LRP1: variants seen among roughly 807,000 people sequenced by gnomAD.
LRP1 encodes the protein LDL receptor related protein 1.
In LRP1, 51 loss-of-function variants were observed where a neutral mutation model predicts 541.5. The ratio of observed to expected loss-of-function variants is 0.09; its 90% CI spans 0.08 to 0.12. LRP1 has a LOEUF of 0.12. Ranked by LOEUF, LRP1 falls within the 10% of genes least tolerant of loss-of-function variation. LRP1 has a pLI of 1.00. For missense variants in LRP1, 3,878 were observed against 6,376.2 expected, an observed-to-expected ratio of 0.61 and a Z score of 13.34; for synonymous variants, 2,219 against 2,470.8, an observed-to-expected ratio of 0.90 and a Z score of 3.02.
In LRP1 at chr12:57,179,689, C is replaced by A. The variant is rs566106423; in HGVS notation, c.4967-93C>A. ...CCCCCTCAGTGCTCCAGCCTGGTTT[C>A]CTGATCCCTTTTCTCCAGAAGGCAC... On this transcript the variant is annotated intron_variant, in intron 29 of 88. Transcript: ENST00000243077. This position sits in a 1 kb window ranked among gnomAD's most constrained non-coding sequence, Gnocchi z 6.8. 41 of 1,434,788 alleles carry A rather than the reference C, an allele frequency of 2.9e-5. 1 individual carries two copies. In the South Asian group the frequency reaches 4.9e-4, roughly 17 times the overall value. 88.9% of individuals were successfully genotyped at this position (1,434,788 alleles called of 1,614,324 possible).
Position 57,206,362 on chromosome 12 carries a change from G to A in LRP1, c.11591-111G>A. 6 of 1,162,208 alleles carry A rather than the reference G, an allele frequency of 5.2e-6. No individual in the cohort carries two copies. The highest frequency in any genetic ancestry group is 7.4e-6 in the Non-Finnish European group (6 of 807,520). The allele number at this position is 1,162,208 out of a possible 1,614,324, so 72.0% of individuals were successfully genotyped here. A position where few individuals can be genotyped will look rare whatever the true frequency, so the allele number is the denominator to read the frequency against. ...GAGGGTAAGCAGCAGCTTCTGGCCG[G>A]AGCAGATGGTCCTACCAGGAGATGG... On this transcript the variant is annotated intron_variant, in intron 75 of 88. Transcript: ENST00000243077. The surrounding 1 kb of genome is among the most constrained non-coding windows in gnomAD (Gnocchi z 4.7).
intron 77 of LRP1, 104 bp from the exon 78 acceptor site, chr12:57,208,601 CTCCCAG>C (rs761410160): frequency 1.1e-4 from 77 of 669,602 alleles, no homozygotes; most frequent in Non-Finnish European, 1.9e-4. Flanking sequence ...GAATGCCCTC[CTCCCAG>C]TCCCCAGCAG....
chr12:57,188,519 TCCC>T (rs773729484), intron 42 of LRP1, among the ~76,000 whole-genome samples: 1 of 151,956 alleles, frequency 6.6e-6, no homozygotes, highest in Non-Finnish European at 1.5e-5. Flanking sequence ...GAAGGTCCAG[TCCC>T]CCCTTCCATG....
chr12:57,154,169 C>A lies in LRP1; in HGVS notation c.842-39C>A. The A allele has an allele frequency of 6.3e-7, 1 of 1,587,090 alleles. No homozygotes were observed. Among genetic ancestry groups the A allele is most frequent in the South Asian group, 1.1e-5 (1 of 88,036 alleles). ...AAGGGTGGGCATCTCTGCAAGAGGG[C>A]CTACCCCACCCCATGGCTCTTTCAT... On this transcript the variant is annotated intron_variant, in intron 6 of 88. Transcript: ENST00000243077. The surrounding 1 kb of genome is among the most constrained non-coding windows in gnomAD (Gnocchi z 4.6).
chr12:57,210,159 C>T lies in LRP1; in HGVS notation c.12570C>T (p.Pro4190=), dbSNP rs747456880. ...GCGTGCCTGTGCCCTCTCCAACGCC[C>T]CCCCCAGATGGTATGCTTATGCCCT... is the stretch of plus-strand genomic sequence containing the variant. ...GTCVPVPSPT[P]PPDAPRPGTC... Residue 4190 remains proline, a synonymous_variant, in exon 81 of 89, where the codon CCC becomes CCT. Coordinates refer to ENST00000243077, the MANE Select transcript of LRP1 (RefSeq NM_002332.3). 10 of 1,599,964 alleles carry T rather than the reference C, an allele frequency of 6.3e-6. No individual in the cohort carries two copies. The highest frequency in any genetic ancestry group is 5.1e-5 in the Admixed American group (3 of 58,748).
At position 57,178,755 on chromosome 12, in the gene LRP1, T is replaced by C. The variant is rs956397092; in HGVS notation, c.4607-135T>C. ...GCCGGCTGTTGACAGAGGCACTGTC[T>C]AGCAGCAGAGAAGGGTCTAGTAGTA... On this transcript the variant is annotated intron_variant, in intron 27 of 88. Coordinates refer to ENST00000243077, the MANE Select transcript of LRP1 (RefSeq NM_002332.3). This position sits in a 1 kb window ranked among gnomAD's most constrained non-coding sequence, Gnocchi z 5.8. The C allele has an allele frequency of 4.7e-5, 70 of 1,500,936 alleles. No individual in the cohort carries two copies. In the African/African-American group the frequency reaches 8.7e-4, roughly 19 times the overall value. 93.0% of individuals were successfully genotyped at this position (1,500,936 alleles called of 1,614,324 possible). A position where few individuals can be genotyped will look rare whatever the true frequency, so the allele number is the denominator to read the frequency against.
In LRP1 at chr12:57,174,360, G is replaced by T. The variant is rs2136697093; in HGVS notation, c.3547+380G>T. Among the ~76,000 whole-genome samples the T allele has an allele frequency of 2.0e-5, 3 of 152,326 alleles. No homozygotes were observed. The Middle Eastern group carries it at 0.01, about 518-fold the overall frequency. Reference sequence around the variant, plus strand: ...GCCCACATGCATACCACAGAGAGATGCGGAGTGCTCTTGTGGAGACAAAGG... The same window carrying T: ...GCCCACATGCATACCACAGAGAGATTCGGAGTGCTCTTGTGGAGACAAAGG... On this transcript the variant is annotated intron_variant, in intron 22 of 88. Transcript: ENST00000243077.
intron 6 of LRP1, among the ~76,000 whole-genome samples, chr12:57,152,120 A>G (rs868500281): frequency 2.0e-5 from 3 of 152,096 alleles, no homozygotes; most frequent in African/African-American, 7.2e-5. Context: ...TCCAGGCCAC[A>G]TCCTGAGGCT....
Position 57,211,829 on chromosome 12 carries a change from T to C in LRP1, c.13258+15T>C. ...GCAGCCAGGACGTAGGTGGCAGGGGTTGGGGCAGGCAGGGCCACCGGGACC... is the reference window on the plus strand; with the variant it reads ...GCAGCCAGGACGTAGGTGGCAGGGGCTGGGGCAGGCAGGGCCACCGGGACC... On this transcript the variant is annotated intron_variant, in intron 86 of 88. Transcript: ENST00000243077. This position sits in a 1 kb window ranked among gnomAD's most constrained non-coding sequence, Gnocchi z 4.3. The C allele has an allele frequency of 6.2e-7, 1 of 1,612,610 alleles. No homozygotes were observed. Among genetic ancestry groups the C allele is most frequent in the Non-Finnish European group, 8.5e-7 (1 of 1,179,952 alleles).
rs777350136 is a variant in LRP1 at position 57,149,006 on chromosome 12, G to A, written c.841+3516G>A. The A allele has an allele frequency of 4.4e-6, 3 of 674,738 alleles. No individual in the cohort carries two copies. The East Asian group carries it at 8.4e-5, about 19-fold the overall frequency. The allele number at this position is 674,738 out of a possible 1,614,324, so 41.8% of individuals were successfully genotyped here. ...TGTGTGTGTTTTCGAAATCACAACA[G>A]GAAATGGGGTAGTGATTTGTCTAGA... On this transcript the variant is annotated intron_variant, in intron 6 of 88. Transcript: ENST00000243077.
Position 57,183,351 on chromosome 12 carries a change from C to A in LRP1, c.5663-28C>A. 1.3e-6 allele frequency: 2 copies of A among 1,589,168 alleles called. No homozygotes were observed. The highest frequency in any genetic ancestry group is 1.7e-6 in the Non-Finnish European group (2 of 1,160,740). ...AAGTTTAAGGGAGTGTTGGCGATAC[C>A]CATGCCTTAAGTTTCCTTGTCTTTC... is the stretch of plus-strand genomic sequence containing the variant. On this transcript the variant is annotated intron_variant, in intron 34 of 88. Transcript: ENST00000243077. The surrounding 1 kb of genome is among the most constrained non-coding windows in gnomAD (Gnocchi z 6.1).
Position 57,195,689 on chromosome 12 carries a change from C to A in LRP1, c.8469C>A (p.Phe2823Leu). 1.2e-6 allele frequency: 2 copies of A among 1,614,136 alleles called. No homozygotes were observed. The highest frequency in any genetic ancestry group is 1.7e-6 in the Non-Finnish European group (2 of 1,180,020). The change falls in exon 53 of 89, where the codon TTC (phenylalanine) becomes TTA (leucine). Residue 2823 changes from phenylalanine (F) to leucine (L), a missense_variant. Transcript: ENST00000243077. ...ACAGCACTTGTGACGACCGTGAGTT[C>A]ATGTGCCAGAACCGCCAGTGCATCC... ...LYNSTCDDRE[F>L]MCQNRQCIPK... is the part of the protein sequence containing the mutation.
At chr12:57,200,571 G>A (rs1007651546) in intron 63 of LRP1, 36 bp downstream of exon 63, 1 of 1,587,912 alleles carries the variant, frequency 6.3e-7, no homozygotes, top group African/African-American at 1.3e-5. Flanking sequence ...AGGGCCCCCA[G>A]CTGTGTCGGA....
chr12:57,198,460 G>T lies in LRP1; in HGVS notation c.9471-5G>T. 3 of 1,612,900 alleles carry T rather than the reference G, an allele frequency of 1.9e-6. No individual in the cohort carries two copies. Among genetic ancestry groups the T allele is most frequent in the Non-Finnish European group, 1.7e-6 (2 of 1,179,262 alleles). On this transcript the variant is annotated splice_polypyrimidine_tract_variant and splice_region_variant and intron_variant, in intron 59 of 88. Coordinates refer to ENST00000243077, the MANE Select transcript of LRP1 (RefSeq NM_002332.3). ...TCCCAGGGCTCACTGCCTACCCATC[G>T]CCAGGTACCTGTACTGGACAGACTG...
At position 57,212,338 on chromosome 12, in the gene LRP1, G is replaced by A; in HGVS notation, c.13494+77G>A. ...ACCAAAGGTGTTGGGTTAGGTGAGG[G>A]ACGGAGGTGGGGGTGGGGTAACCTG... On this transcript the variant is annotated intron_variant, in intron 88 of 88. Transcript: ENST00000243077. This position sits in a 1 kb window ranked among gnomAD's most constrained non-coding sequence, Gnocchi z 5.0. 2 of 1,613,434 alleles carry A rather than the reference G, an allele frequency of 1.2e-6. No individual in the cohort carries two copies. Among genetic ancestry groups the A allele is most frequent in the Non-Finnish European group, 1.7e-6 (2 of 1,179,734 alleles).
At position 57,209,138 on chromosome 12, in the gene LRP1, A is replaced by G. The variant is rs765542038; in HGVS notation, c.12201A>G (p.Ser4067=). The G allele has an allele frequency of 6.2e-7, 1 of 1,614,010 alleles. No homozygotes were observed. The highest frequency in any genetic ancestry group is 8.5e-7 in the Non-Finnish European group (1 of 1,180,014). Residue 4067 remains serine, a synonymous_variant, in exon 79 of 89, where the codon TCA becomes TCG. Coordinates refer to ENST00000243077, the MANE Select transcript of LRP1 (RefSeq NM_002332.3). ...TGTACTGGGCAGACGCCAAGCTTTC[A>G]GTCATCGGCAGCATCCGGCTCAATG... is the stretch of plus-strand genomic sequence containing the variant. ...ERLYWADAKL[S]VIGSIRLNGT...
chr12:57,184,410 C>T lies in LRP1; in HGVS notation c.6144C>T (p.Asn2048=), dbSNP rs764424358. 10 of 1,614,082 alleles carry T rather than the reference C, an allele frequency of 6.2e-6. No homozygotes were observed. Among genetic ancestry groups the T allele is most frequent in the African/African-American group, 5.3e-5 (4 of 74,928 alleles). ...LDGTERVVLV[N]VSISWPNGIS... is the part of the protein sequence containing the mutation. ...GCACGGAGCGTGTGGTGCTGGTCAA[C>T]GTCAGCATCAGCTGGCCCAACGGCA... The change falls in exon 38 of 89, where the codon AAC becomes AAT. Residue 2048 remains asparagine (N), a synonymous_variant. Coordinates refer to ENST00000243077, the MANE Select transcript of LRP1 (RefSeq NM_002332.3). This position sits in a 1 kb window ranked among gnomAD's most constrained non-coding sequence, Gnocchi z 7.8.
chr12:57,191,748 AC>A (rs1401556254), intron 44 of LRP1, among the ~76,000 whole-genome samples: 1 of 32,680 alleles, frequency 3.1e-5, no homozygotes, highest in Non-Finnish European at 6.6e-5. Flanking sequence ...ATACACATAC[AC>A]CCCCAACACA....
At chr12:57,132,396 C>T (rs554926668) in intron 1 of LRP1, among the ~76,000 whole-genome samples, 9 of 152,170 alleles carry the variant, frequency 5.9e-5, no homozygotes, top group Admixed American at 1.3e-4. Context: ...TCCTTTCTAC[C>T]CTCCTGACTC....
Sources: gnomAD v4.1 joint callset for allele counts (sites outside exome capture counted in the v4.1 genomes callset) on GRCh38, gnomAD v4.1.1 for gene constraint, Gnocchi (gnomAD v3.1) non-coding constraint, MANE v1.5 for transcripts, NCBI Gene and HGNC (gene_info 2026-07-23, HGNC 2026-07-21) for gene names.